Variants in DNASE1 observed in about 807,000 individuals in gnomAD.
DNASE1 encodes the protein deoxyribonuclease 1.
In DNASE1, 40 loss-of-function variants were observed where a neutral mutation model predicts 33.9. That is an observed-to-expected ratio of 1.18 (90% CI 0.92 to 1.54). The LOEUF (loss-of-function observed/expected upper bound fraction) is 1.54. DNASE1 is among the 40% of genes most tolerant of loss of function. The probability of loss-of-function intolerance (pLI) is 0.00; values close to 1 mark genes in which losing one functional copy is unlikely to be tolerated. For missense variants in DNASE1, 518 were observed against 372.6 expected (o/e 1.39, Z -3.21); for synonymous variants, 216 against 160.0 (o/e 1.35, Z -2.64).
At chr16:3,655,597 GAGC>G (rs2042552601) in intron 2 of DNASE1, 77 bp downstream of exon 2, 2 of 1,603,560 alleles carry the variant, frequency 1.2e-6, no homozygotes, top group Non-Finnish European at 1.7e-6. Context: ...CAGCCCTATG[GAGC>G]CACAGGGTGT....
chr16:3,655,256 C>T (rs1448801369), intron 1 of DNASE1, 117 bp from the exon 2 acceptor site: 10 of 1,411,782 alleles, frequency 7.1e-6, no homozygotes, highest in East Asian at 4.8e-5. Flanking sequence ...CCCCCGCCTG[C>T]GTCCCCCTGA....
Position 3,623,483 on chromosome 16 carries a change from GACTT to G in DNASE1, c.-1359+11479_-1359+11482del, listed in dbSNP as rs2041395245. On this transcript the variant is annotated intron_variant and NMD_transcript_variant, in intron 1 of 11. Transcript: ENST00000570769. ...AACAAGAAGAAAAATAGGCAAATGG[GACTT>G]AATTAAATGAAAACACTTCTACACA... Among the ~76,000 whole-genome samples, 6 of 152,214 alleles carry G rather than the reference GACTT, an allele frequency of 3.9e-5. No individual in the cohort carries two copies. In the South Asian group the frequency reaches 1.2e-3, roughly 32 times the overall value.
chr16:3,648,414 T>G (rs113930879), intron 1 of DNASE1, among the ~76,000 whole-genome samples: 1 of 152,106 alleles, frequency 6.6e-6, no homozygotes, highest in East Asian at 1.9e-4. Flanking sequence ...TACAAAAAAT[T>G]AGCTGGGCGT....
chr16:3,658,295 G>GAGAC (rs1372133234), downstream of DNASE1: 275 of 1,159,340 alleles, frequency 2.4e-4, no homozygotes, highest in Non-Finnish European at 2.5e-4. Flanking sequence ...TTTTTTTTTT[G>GAGAC]AGACAGAGTC....
chr16:3,656,535 C>A, intron 4 of DNASE1, 103 bp from the exon 5 acceptor site: 1 of 870,334 alleles, frequency 1.1e-6, no homozygotes, highest in Non-Finnish European at 1.9e-6. Context: ...TGCCTGGCTC[C>A]CCCGCCCTCC....
chr16:3,661,772 G>A (rs953195877), downstream of DNASE1: 28 of 478,106 alleles, frequency 5.9e-5, 1 homozygote, highest in African/African-American at 5.2e-4. Flanking sequence ...CTGGGATGTG[G>A]CTAACCTCCC....
exon 10 of DNASE1, chr16:3,665,446 A>G (rs543884342): frequency 6.5e-6 from 1 of 154,324 alleles, no homozygotes; most frequent in South Asian, 2.0e-4. Context: ...TATCTCAATA[A>G]AAAATGGACA....
chr16:3,615,916 G>A (rs1350874825), intron 1 of DNASE1, among the ~76,000 whole-genome samples: 1 of 152,180 alleles, frequency 6.6e-6, no homozygotes, highest in Admixed American at 6.5e-5. Context: ...AAATGGTAAA[G>A]CCATAACCTG....
In DNASE1 at chr16:3,657,171, C is replaced by T. The variant is rs756241944; in HGVS notation, c.550-16C>T. 3.1e-6 allele frequency: 5 copies of T among 1,614,132 alleles called. No individual in the cohort carries two copies. Among genetic ancestry groups the T allele is most frequent in the Non-Finnish European group, 3.4e-6 (4 of 1,180,014 alleles). On this transcript the variant is annotated splice_polypyrimidine_tract_variant and intron_variant, in intron 6 of 8. Coordinates refer to ENST00000246949, the MANE Select transcript of DNASE1 (RefSeq NM_005223.4). Reference sequence around the variant, plus strand: ...CCTCCGCATGTCCCAGGGCCACAGGCAGCGTTTCCTGGTAGGACGTCATGT... The same window carrying T: ...CCTCCGCATGTCCCAGGGCCACAGGTAGCGTTTCCTGGTAGGACGTCATGT...
At chr16:3,632,048 C>T (rs1015486066) in intron 1 of DNASE1, among the ~76,000 whole-genome samples, 1 of 152,154 alleles carries the variant, frequency 6.6e-6, no homozygotes, top group African/African-American at 2.4e-5. Flanking sequence ...CACAAAATTA[C>T]ATTATTATAT....
chr16:3,656,118 T>TATCA lies in DNASE1; in HGVS notation c.254_257dup (p.His86GlnfsTer7). The TATCA allele has an allele frequency of 1.2e-6, 2 of 1,614,060 alleles. No individual in the cohort carries two copies. The highest frequency in any genetic ancestry group is 1.1e-5 in the South Asian group (1 of 91,084). Reference sequence around the variant, plus strand: ...TCAATCCAGGGATGCACCAGACACCTATCACTACGTGGTCAGTGAGCCACT... The same window carrying TATCA: ...TCAATCCAGGGATGCACCAGACACCTATCAATCACTACGTGGTCAGTGAGCCACT... On this transcript the variant is annotated frameshift_variant, in exon 4 of 9. Transcript: ENST00000246949. LOFTEE classifies it high-confidence loss of function.
downstream of DNASE1, chr16:3,660,547 AGTTAAAGTGACCTG>A (rs1363135940): frequency 6.6e-6 from 1 of 152,186 alleles, no homozygotes; most frequent in African/African-American, 2.4e-5. Flanking sequence ...CACCAAAACT[AGTTAAAGTGACCTG>A]GTGTCCGCCT....
rs752411663 is a variant in DNASE1, at chr16:3,627,039, A to T, written c.-1358-13676A>T. Among the ~76,000 whole-genome samples, 1,174 of 137,996 alleles carry T rather than the reference A, an allele frequency of 8.5e-3. 5 individuals carry two copies. The highest frequency in any genetic ancestry group is 0.013 in the Non-Finnish European group (838 of 62,992). The allele number at this position is 137,996 out of a possible 152,430, so 90.5% of individuals were successfully genotyped here. Reference sequence around the variant, plus strand: ...GGCACATGCCACCATGCTTATTTAAATTTTTTTTTTTTTTTTGGTAGAGAC... The same window carrying T: ...GGCACATGCCACCATGCTTATTTAATTTTTTTTTTTTTTTTTGGTAGAGAC... On this transcript the variant is annotated intron_variant and NMD_transcript_variant, in intron 1 of 11. Coordinates refer to the DNASE1 transcript ENST00000570769.
chr16:3,629,918 A>AT (rs2041641352), intron 1 of DNASE1, among the ~76,000 whole-genome samples: 1 of 152,162 alleles, frequency 6.6e-6, no homozygotes, highest in Admixed American at 6.5e-5. Flanking sequence ...GGTTCAAGCG[A>AT]TTCTCCTGCT....
intron 1 of DNASE1, among the ~76,000 whole-genome samples, chr16:3,643,493 C>G (rs1214335599): frequency 6.6e-6 from 1 of 152,200 alleles, no homozygotes; most frequent in Admixed American, 6.5e-5. Context: ...TGCAGAGGAG[C>G]TTAGTGTGGG....
At chr16:3,662,048 G>C (rs1232531384), downstream of DNASE1, 6 of 1,613,286 alleles carry the variant, frequency 3.7e-6, no homozygotes, top group Non-Finnish European at 5.1e-6. Flanking sequence ...GTCTTGGCCA[G>C]CTGCTGCATG....
In DNASE1 at chr16:3,657,893, C is replaced by G; in HGVS notation, c.802-13C>G. 1 of 1,614,022 alleles carries G rather than the reference C, an allele frequency of 6.2e-7. No individual in the cohort carries two copies. ...GTAGGCTCAGCCCAGACCCTGTGCC[C>G]ACTTGCCTGCAGGCCCAAGCCATCA... On this transcript the variant is annotated splice_polypyrimidine_tract_variant and intron_variant, in intron 8 of 8. Coordinates refer to ENST00000246949, the MANE Select transcript of DNASE1 (RefSeq NM_005223.4).
chr16:3,633,191 C>T (rs1169919476), intron 1 of DNASE1, among the ~76,000 whole-genome samples: 1 of 152,096 alleles, frequency 6.6e-6, no homozygotes, highest in Non-Finnish European at 1.5e-5. Context: ...TTTTATTCTT[C>T]CCTTTTCTTT....
chr16:3,618,872 T>A (rs1362266722), intron 1 of DNASE1, among the ~76,000 whole-genome samples: 1 of 152,224 alleles, frequency 6.6e-6, no homozygotes, highest in South Asian at 2.1e-4. Context: ...AATTTTTTTT[T>A]AGTGACAAGG....
Sources: allele counts gnomAD v4.1 joint callset (sites outside exome capture counted in the v4.1 genomes callset), GRCh38; gene constraint gnomAD v4.1.1; transcripts MANE v1.5; gene names NCBI Gene and HGNC (gene_info 2026-07-23, HGNC 2026-07-21).